Variants in IP6K1 observed in about 807,000 individuals in gnomAD.
The protein encoded by IP6K1 is ATP:1D-myo-inositol-hexakisphosphate phosphotransferase.
IP6K1 carries 13 observed loss-of-function variants against 38.3 expected under a neutral mutation model. That is an observed-to-expected ratio of 0.34 (90% CI 0.22 to 0.54). The LOEUF (loss-of-function observed/expected upper bound fraction) is 0.54. IP6K1 is among the 20% of genes least tolerant of loss of function. IP6K1 has a pLI of 0.92. For synonymous variants in IP6K1, 212 were observed against 229.9 expected, an observed-to-expected ratio of 0.92 and a Z score of 0.70; for missense variants, 397 against 599.8, an observed-to-expected ratio of 0.66 and a Z score of 3.53.
intron 1 of IP6K1, among the ~76,000 whole-genome samples, chr3:49,774,396 A>T (rs1209235320): frequency 2.2e-5 from 3 of 137,576 alleles, no homozygotes; most frequent in Non-Finnish European, 4.7e-5. Flanking sequence ...CGAAAGAGCT[A>T]GACTCCATCT....
intron 4 of IP6K1, among the ~76,000 whole-genome samples, chr3:49,731,561 T>C (rs1295002700): frequency 3.9e-5 from 6 of 152,194 alleles, no homozygotes; most frequent in Non-Finnish European, 7.3e-5. Context: ...TTAATCCCCC[T>C]GTGCTTCCAC....
intron 1 of IP6K1, among the ~76,000 whole-genome samples, chr3:49,760,778 C>G (rs1203920106): frequency 1.3e-5 from 2 of 152,256 alleles, no homozygotes; most frequent in Admixed American, 6.5e-5. Flanking sequence ...AATTAAACAG[C>G]CTGAACATGC....
At chr3:49,786,176 G>A (rs1331981431) in intron 1 of IP6K1, 178 bp downstream of exon 1, 3 of 152,272 alleles carry the variant, frequency 2.0e-5, no homozygotes, top group Non-Finnish European at 2.9e-5. Flanking sequence ...CTGTCCCCCC[G>A]GCTTCGGTGC....
intron 1 of IP6K1, among the ~76,000 whole-genome samples, chr3:49,751,067 GC>G (rs2080772965): frequency 1.3e-5 from 2 of 152,096 alleles, no homozygotes; most frequent in South Asian, 2.1e-4. Flanking sequence ...TCCTAACCCT[GC>G]AGGATTTGCA....
At position 49,727,904 on chromosome 3, in the gene IP6K1, G is replaced by T. The variant is rs1338278619; in HGVS notation, c.792+199C>A. Among the ~76,000 whole-genome samples the T allele has an allele frequency of 6.6e-6, 1 of 152,168 alleles. No homozygotes were observed. Among genetic ancestry groups the T allele is most frequent in the Non-Finnish European group, 1.5e-5 (1 of 68,032 alleles). Reference sequence around the variant, plus strand: ...TCCTCCAACATCGGAACATCTTGTTGACAGGCAAGAGTCTTATTTGTCCCA... The same window carrying T: ...TCCTCCAACATCGGAACATCTTGTTTACAGGCAAGAGTCTTATTTGTCCCA... On this transcript the variant is annotated intron_variant, in intron 5 of 5. Transcript: ENST00000321599. The surrounding 1 kb of genome is among the most constrained non-coding windows in gnomAD (Gnocchi z 5.9).
intron 3 of IP6K1, among the ~76,000 whole-genome samples, chr3:49,736,098 T>A (rs1324040112): frequency 2.0e-5 from 3 of 152,160 alleles, no homozygotes; most frequent in Non-Finnish European, 2.9e-5. Flanking sequence ...TTGTATTTAC[T>A]AGAGATGGAG....
Position 49,727,421 on chromosome 3 carries a change from C to G in IP6K1, c.1027G>C (p.Glu343Gln). The G allele has an allele frequency of 6.2e-7, 1 of 1,614,068 alleles. No homozygotes were observed. The highest frequency in any genetic ancestry group is 8.5e-7 in the Non-Finnish European group (1 of 1,180,026). Residue 343 changes from glutamate (E) to glutamine (Q), a missense_variant, in exon 6 of 6, where the codon GAG becomes CAG. Glu to Gln is a conservative substitution (Grantham distance 29). Transcript: ENST00000321599. This position sits in a 1 kb window ranked among gnomAD's most constrained non-coding sequence, Gnocchi z 5.9. ...TCCAGGCAGGACTCAGCCCGGCACT[C>G]CTTGCCATCATAGATGACAAGCAGG... is the stretch of plus-strand genomic sequence containing the variant. ...SSLLVIYDGK[E>Q]CRAESCLDRR...
intron 3 of IP6K1, among the ~76,000 whole-genome samples, chr3:49,733,566 A>G (rs2080581908): frequency 6.6e-6 from 1 of 152,262 alleles, no homozygotes; most frequent in South Asian, 2.1e-4. Flanking sequence ...ATGGAATATT[A>G]TTCAGCAATA....
chr3:49,747,488 C>T (rs2080731058), intron 2 of IP6K1, among the ~76,000 whole-genome samples: 1 of 152,158 alleles, frequency 6.6e-6, no homozygotes, highest in East Asian at 1.9e-4. Context: ...GTATCCATTC[C>T]GCCTCCGGGA....
chr3:49,765,962 G>A (rs62262727), intron 1 of IP6K1, among the ~76,000 whole-genome samples: 6,271 of 151,828 alleles, frequency 0.041, 182 homozygotes, highest in Non-Finnish European at 0.063. Flanking sequence ...AGATGACGAG[G>A]TCAGGAGATC....
At chr3:49,732,717 A>G (rs1559702070) in intron 4 of IP6K1, 74 bp downstream of exon 4, 3 of 1,278,584 alleles carry the variant, frequency 2.3e-6, no homozygotes, top group Non-Finnish European at 3.3e-6. Flanking sequence ...GACCTCAGCC[A>G]TAGGCAGAAT....
At chr3:49,772,878 C>G (rs887416427) in intron 1 of IP6K1, among the ~76,000 whole-genome samples, 6 of 150,610 alleles carry the variant, frequency 4.0e-5, no homozygotes, top group Non-Finnish European at 8.8e-5. Context: ...GGCAGGAGTG[C>G]AGTGGTATGA....
rs772499813 is a variant in IP6K1, at chr3:49,727,564, T to C, written c.884A>G (p.Gln295Arg). ...SIEGFRNALYQYLHNGLDLRR... is the reference protein window; with the variant it reads ...SIEGFRNALYRYLHNGLDLRR... ...CAGGTCCAGGCCATTGTGCAGATAT[T>C]GATAGAGGGCATTGCGGAAGCCTTC... The change falls in exon 6 of 6, where the codon CAA becomes CGA. Residue 295 changes from glutamine to arginine, a missense_variant. Transcript: ENST00000321599. This position sits in a 1 kb window ranked among gnomAD's most constrained non-coding sequence, Gnocchi z 5.9. 1.2e-6 allele frequency: 2 copies of C among 1,614,154 alleles called. No homozygotes were observed. The highest frequency in any genetic ancestry group is 1.1e-5 in the South Asian group (1 of 91,084).
chr3:49,781,878 T>A (rs557406089), intron 1 of IP6K1, among the ~76,000 whole-genome samples: 1 of 151,552 alleles, frequency 6.6e-6, no homozygotes, highest in South Asian at 2.1e-4. Flanking sequence ...AACCCAGGAG[T>A]TAGAGACCAG....
intron 1 of IP6K1, among the ~76,000 whole-genome samples, chr3:49,751,119 A>C (rs1412035789): frequency 1.3e-5 from 2 of 150,690 alleles, no homozygotes; most frequent in Non-Finnish European, 2.9e-5. Context: ...CCTAGTGCCC[A>C]TCCCTGGAAA....
At chr3:49,779,821 G>A (rs1386607809) in intron 1 of IP6K1, among the ~76,000 whole-genome samples, 1 of 152,046 alleles carries the variant, frequency 6.6e-6, no homozygotes, top group African/African-American at 2.4e-5. Flanking sequence ...AAGTAGCCGA[G>A]AATACAGGTG....
At position 49,727,890 on chromosome 3, in the gene IP6K1, C is replaced by T. The variant is rs996057833; in HGVS notation, c.792+213G>A. ...CAGCTTTGGAGCCCTCCTCCAACAT[C>T]GGAACATCTTGTTGACAGGCAAGAG... On this transcript the variant is annotated intron_variant, in intron 5 of 5. Coordinates refer to ENST00000321599, the MANE Select transcript of IP6K1 (RefSeq NM_153273.4). The surrounding 1 kb of genome is among the most constrained non-coding windows in gnomAD (Gnocchi z 5.9). Among the ~76,000 whole-genome samples the T allele has an allele frequency of 6.6e-6, 1 of 152,212 alleles. No individual in the cohort carries two copies. The highest frequency in any genetic ancestry group is 1.5e-5 in the Non-Finnish European group (1 of 68,040).
In IP6K1 at chr3:49,780,964, GTCC is replaced by G. The variant is rs2081060244; in HGVS notation, c.-129+5387_-129+5389del. ...TCTAGTACATCTTTATAAATATTTG[GTCC>G]TCATCTACTACGTACAGGCGCAAAA... On this transcript the variant is annotated intron_variant, in intron 1 of 5. Transcript: ENST00000321599. 2.0e-5 allele frequency among the ~76,000 whole-genome samples: 3 copies of G among 152,046 alleles called. No homozygotes were observed. The East Asian group carries it at 5.8e-4, about 29-fold the overall frequency.
At chr3:49,762,412 G>A (rs1462400198) in intron 1 of IP6K1, among the ~76,000 whole-genome samples, 1 of 152,178 alleles carries the variant, frequency 6.6e-6, no homozygotes, top group Non-Finnish European at 1.5e-5. Flanking sequence ...AAGGTGGCGG[G>A]CGCCTGTAAT....
Sources: gnomAD v4.1 joint callset for allele counts (sites outside exome capture counted in the v4.1 genomes callset) on GRCh38, gnomAD v4.1.1 for gene constraint, Gnocchi (gnomAD v3.1) non-coding constraint, MANE v1.5 for transcripts, NCBI Gene and HGNC (gene_info 2026-07-23, HGNC 2026-07-21) for gene names.